LINGO2: variants seen among roughly 807,000 people sequenced by gnomAD.
LINGO2 encodes the protein leucine-rich repeat and immunoglobulin-like domain-containing nogo receptor-interacting protein 2.
LINGO2 carries 14 observed loss-of-function variants against 30.6 expected under a neutral mutation model. The observed-to-expected ratio is 0.46, with a 90% CI of 0.30 to 0.72. LINGO2 has a LOEUF of 0.72. LINGO2 is among the 30% of genes least tolerant of loss of function. The pLI is 0.07. For missense variants in LINGO2, 729 were observed against 751.7 expected (o/e 0.97, Z 0.35); for synonymous variants, 317 against 288.5 (o/e 1.10, Z -1.00).
chr9:28,733,166 A>G, the LINGO2 span, among the ~76,000 whole-genome samples: 3 of 152,258 alleles, frequency 2.0e-5, no homozygotes, highest in South Asian at 2.1e-4. Context: ...TAGAAATCTG[A>G]AAGTATTATT....
At chr9:27,948,690 G>A (rs1000859073) in exon 6 of LINGO2, 10 of 790,756 alleles carry the variant, frequency 1.3e-5, no homozygotes, top group South Asian at 8.8e-5. Context: ...CCTGCCTTTC[G>A]ATGGAGAGTC....
At chr9:28,399,514 CAT>C (rs533785454) in intron 2 of LINGO2, among the ~76,000 whole-genome samples, 132 of 151,880 alleles carry the variant, frequency 8.7e-4, no homozygotes, top group African/African-American at 3.0e-3. Flanking sequence ...GAAATAGAAA[CAT>C]AGGGAAAACA....
intron 1 of LINGO2, among the ~76,000 whole-genome samples, chr9:28,575,420 CAAA>C (rs1048944596): frequency 6.7e-6 from 1 of 148,614 alleles, no homozygotes; most frequent in African/African-American, 2.5e-5. Flanking sequence ...ACAAAAAAAA[CAAA>C]AAACAACACA....
At chr9:28,808,465 A>T in the LINGO2 span, among the ~76,000 whole-genome samples, 1 of 152,176 alleles carries the variant, frequency 6.6e-6, no homozygotes, top group Non-Finnish European at 1.5e-5. Context: ...ATCTGCATGC[A>T]TTCTCCTTTG....
chr9:28,161,030 T>C (rs917619859), intron 4 of LINGO2, among the ~76,000 whole-genome samples: 2 of 152,162 alleles, frequency 1.3e-5, no homozygotes, highest in African/African-American at 2.4e-5. Context: ...CTCGGCTCCA[T>C]AGAATCTCTG....
chr9:28,165,694 A>G (rs960717838), intron 4 of LINGO2, among the ~76,000 whole-genome samples: 10 of 152,136 alleles, frequency 6.6e-5, no homozygotes, highest in African/African-American at 2.4e-4. Context: ...ATTTCCCTCT[A>G]GAGAAGCTAA....
At position 28,354,300 on chromosome 9, in the gene LINGO2, T is replaced by A. The variant is rs544255202; in HGVS notation, c.-246+18536A>T. The stretch of plus-strand genomic sequence containing the variant: ...GATGTACTATGTTGCGGTTCATTAT[T>A]AATTTTGCTTTATTTTATGGTAATT... On this transcript the variant is annotated intron_variant, in intron 3 of 5. Transcript: ENST00000379992. Among the ~76,000 whole-genome samples, 24 of 152,326 alleles carry A rather than the reference T, an allele frequency of 1.6e-4. 1 individual carries two copies. The South Asian group carries it at 5.0e-3, about 32-fold the overall frequency.
intron 1 of LINGO2, among the ~76,000 whole-genome samples, chr9:28,553,600 T>C (rs914923943): frequency 2.6e-5 from 4 of 151,934 alleles, no homozygotes; most frequent in African/African-American, 4.8e-5. Flanking sequence ...GAGAACTTCC[T>C]CAACCTAGCA....
the LINGO2 span, among the ~76,000 whole-genome samples, chr9:28,830,745 C>G: frequency 2.2e-5 from 3 of 138,774 alleles, no homozygotes; most frequent in Admixed American, 7.6e-5. Context: ...CAGAAACCTT[C>G]TCTTGCCCCT....
intron 3 of LINGO2, among the ~76,000 whole-genome samples, chr9:28,298,593 G>A (rs1366691104): frequency 6.6e-6 from 1 of 151,144 alleles, no homozygotes. Flanking sequence ...TGAGGCAGGA[G>A]AATTGCTTGA....
intron 5 of LINGO2, among the ~76,000 whole-genome samples, chr9:28,011,521 C>T (rs1822553753): frequency 6.6e-6 from 1 of 152,034 alleles, no homozygotes; most frequent in Non-Finnish European, 1.5e-5. Flanking sequence ...CTTCATTGTC[C>T]CCAAATCTGG....
At chr9:28,981,538 A>C in the LINGO2 span, among the ~76,000 whole-genome samples, 1 of 152,098 alleles carries the variant, frequency 6.6e-6, no homozygotes, top group Non-Finnish European at 1.5e-5. Context: ...GAAGGCACCA[A>C]GCAAGTCTCA....
At chr9:28,511,457 C>T (rs1820381371) in intron 1 of LINGO2, among the ~76,000 whole-genome samples, 1 of 152,130 alleles carries the variant, frequency 6.6e-6, no homozygotes, top group East Asian at 1.9e-4. Context: ...CATGTATAAC[C>T]TCCATCCCTG....
intron 2 of LINGO2, among the ~76,000 whole-genome samples, chr9:28,380,242 T>C (rs906709714): frequency 6.6e-6 from 1 of 152,040 alleles, no homozygotes; most frequent in Non-Finnish European, 1.5e-5. Flanking sequence ...ACAATGTGTC[T>C]AAAATGTACC....
chr9:28,853,744 C>G, the LINGO2 span, among the ~76,000 whole-genome samples: 5 of 151,886 alleles, frequency 3.3e-5, no homozygotes, highest in African/African-American at 1.2e-4. Flanking sequence ...ATGATCAGAT[C>G]TTGTGAGAAC....
intron 4 of LINGO2, among the ~76,000 whole-genome samples, chr9:28,068,300 C>G (rs1221724685): frequency 6.6e-6 from 1 of 152,084 alleles, no homozygotes; most frequent in Non-Finnish European, 1.5e-5. Context: ...TTTTTAAGAC[C>G]TCTTCTCTTG....
chr9:28,726,349 G>A, the LINGO2 span, among the ~76,000 whole-genome samples: 2 of 152,084 alleles, frequency 1.3e-5, no homozygotes, highest in African/African-American at 4.8e-5. Context: ...AAAATAATAA[G>A]TTGCAACAAG....
intron 5 of LINGO2, among the ~76,000 whole-genome samples, chr9:27,981,550 A>AAAAAAAAAAAAAAAAAAAAAC (rs1820864449): frequency 1.7e-5 from 2 of 117,698 alleles, no homozygotes; most frequent in East Asian, 3.6e-4. Flanking sequence ...AAAAAAAAAA[A>AAAAAAAAAAAAAAAAAAAAAC]GAAAAAAAAG....
intron 2 of LINGO2, among the ~76,000 whole-genome samples, chr9:28,410,087 G>GA (rs1415156341): frequency 6.7e-6 from 1 of 148,422 alleles, no homozygotes; most frequent in Non-Finnish European, 1.5e-5. Context: ...AAAAAAGAAA[G>GA]AAAAAGTTAG....
Sources: gnomAD v4.1 joint callset for allele counts (sites outside exome capture counted in the v4.1 genomes callset) on GRCh38, gnomAD v4.1.1 for gene constraint, MANE v1.5 for transcripts, NCBI Gene and HGNC (gene_info 2026-07-23, HGNC 2026-07-21) for gene names.